MET: variants seen among roughly 807,000 people sequenced by gnomAD.
MET encodes MET proto-oncogene, receptor tyrosine kinase, also known as hepatocyte growth factor receptor.
In MET, 48 loss-of-function variants were observed where a neutral mutation model predicts 133.1. The ratio of observed to expected loss-of-function variants is 0.36; its 90% CI spans 0.29 to 0.46. The LOEUF is 0.46. MET is among the 20% of genes least tolerant of loss of function. MET has a pLI of 1.00. For synonymous variants in MET, 628 were observed against 616.5 expected (o/e 1.02, Z -0.28); for missense variants, 1,442 against 1,695.9 (o/e 0.85, Z 2.63).
At chr7:116,704,062 G>C (rs1039753743) in intron 2 of MET, among the ~76,000 whole-genome samples, 32 of 152,046 alleles carry the variant, frequency 2.1e-4, no homozygotes, top group African/African-American at 7.5e-4. Flanking sequence ...AAAAGCATTT[G>C]GTGCCAGACA....
chr7:116,697,864 A>G (rs1347299309), intron 1 of MET, among the ~76,000 whole-genome samples: 3 of 152,204 alleles, frequency 2.0e-5, no homozygotes, highest in East Asian at 1.9e-4. Context: ...CAGTGCCACA[A>G]TAATCAGCAT....
chr7:116,770,202 A>C (rs1024746681), intron 12 of MET, among the ~76,000 whole-genome samples: 1 of 152,222 alleles, frequency 6.6e-6, no homozygotes, highest in South Asian at 2.1e-4. Flanking sequence ...TGCATCAAAC[A>C]AAGTAAAATA....
intron 14 of MET, among the ~76,000 whole-genome samples, chr7:116,773,960 T>C (rs947321313): frequency 5.3e-5 from 8 of 152,192 alleles, no homozygotes; most frequent in African/African-American, 1.9e-4. Flanking sequence ...AACCCCCACA[T>C]AACCTTCTCC....
At chr7:116,759,231 A>T in intron 9 of MET, 160 bp from the exon 10 acceptor site, 1 of 1,020,776 alleles carries the variant, frequency 9.8e-7, no homozygotes, top group South Asian at 1.9e-5. Context: ...TTCAAGTTAA[A>T]TAAGTTGTTT....
intron 2 of MET, among the ~76,000 whole-genome samples, chr7:116,719,296 G>C (rs1348602093): frequency 1.3e-3 from 194 of 150,992 alleles, no homozygotes; most frequent in African/African-American, 4.6e-3. Flanking sequence ...GTCTTCTTTT[G>C]AGAAGTGTCT....
At chr7:116,695,393 T>C (rs1796926969) in intron 1 of MET, among the ~76,000 whole-genome samples, 1 of 152,158 alleles carries the variant, frequency 6.6e-6, no homozygotes, top group Admixed American at 6.5e-5. Flanking sequence ...ACAGATAAAA[T>C]AGCAAGCATT....
chr7:116,797,479 G>T lies in MET; in HGVS notation c.*1355G>T. 1 of 229,432 alleles carries T rather than the reference G, an allele frequency of 4.4e-6. No homozygotes were observed. Among genetic ancestry groups the T allele is most frequent in the Non-Finnish European group, 8.7e-6 (1 of 115,540 alleles). 14.2% of individuals were successfully genotyped at this position (229,432 alleles called of 1,614,324 possible). A position where few individuals can be genotyped will look rare whatever the true frequency, so the allele number is the denominator to read the frequency against. ...ATGAAAAAGGCAATTGAAAATCCCA[G>T]CTATTTCACCTAGATGGAATAGCCA... On this transcript the variant is annotated 3_prime_UTR_variant, in exon 21 of 21. Transcript: ENST00000397752.
In MET at chr7:116,701,969, A is replaced by G. The variant is rs529840681; in HGVS notation, c.1200+1685A>G. Among the ~76,000 whole-genome samples, 5 of 152,284 alleles carry G rather than the reference A, an allele frequency of 3.3e-5. No homozygotes were observed. The East Asian group carries it at 7.7e-4, about 23-fold the overall frequency. On this transcript the variant is annotated intron_variant, in intron 2 of 20. Transcript: ENST00000397752. ...GAAAAAAATTAAAAAGAGAATTCATAAAGGTATATTGATATCTCATTTTTT... is the reference window on the plus strand; with the variant it reads ...GAAAAAAATTAAAAAGAGAATTCATGAAGGTATATTGATATCTCATTTTTT...
rs778520785 is a variant in MET at position 116,771,463 on chromosome 7, C to T, written c.2731-35C>T. 5 of 1,612,948 alleles carry T rather than the reference C, an allele frequency of 3.1e-6. No individual in the cohort carries two copies. The South Asian group carries it at 5.5e-5, about 18-fold the overall frequency. On this transcript the variant is annotated intron_variant, in intron 12 of 20. Coordinates refer to ENST00000397752, the MANE Select transcript of MET (RefSeq NM_000245.4). ...TGTGTAGTACAAATATCTATCATGGCTAAATGCTGACTTTTCTTTATTTGT... is the reference window on the plus strand; with the variant it reads ...TGTGTAGTACAAATATCTATCATGGTTAAATGCTGACTTTTCTTTATTTGT...
chr7:116,772,680 C>T (rs1475386083), intron 14 of MET, among the ~76,000 whole-genome samples: 1 of 152,164 alleles, frequency 6.6e-6, no homozygotes, highest in East Asian at 1.9e-4. Flanking sequence ...CAAGTACAAG[C>T]ATTTCCTTGG....
intron 5 of MET, among the ~76,000 whole-genome samples, chr7:116,752,098 C>T (rs1300134171): frequency 3.3e-5 from 5 of 151,944 alleles, no homozygotes; most frequent in Non-Finnish European, 5.9e-5. Context: ...AATTCAACCC[C>T]AGTGAGACAA....
intron 3 of MET, among the ~76,000 whole-genome samples, chr7:116,735,412 C>A (rs1338775108): frequency 6.6e-6 from 1 of 152,166 alleles, no homozygotes; most frequent in Non-Finnish European, 1.5e-5. Flanking sequence ...AATCAGTGAA[C>A]CTAAGAATAA....
At chr7:116,793,854 G>C (rs1025521964) in intron 19 of MET, among the ~76,000 whole-genome samples, 2 of 151,986 alleles carry the variant, frequency 1.3e-5, no homozygotes, top group Non-Finnish European at 2.9e-5. Context: ...CACCAAGATT[G>C]CACCACTTCA....
At chr7:116,681,757 C>A (rs1796368012) in intron 1 of MET, among the ~76,000 whole-genome samples, 1 of 152,200 alleles carries the variant, frequency 6.6e-6, no homozygotes, top group Admixed American at 6.5e-5. Context: ...CAAAGTGAGA[C>A]TGTGGTCTCA....
intron 2 of MET, among the ~76,000 whole-genome samples, chr7:116,725,461 T>TATAC (rs1009407580): frequency 1.2e-4 from 14 of 113,132 alleles, no homozygotes; most frequent in Non-Finnish European, 1.8e-4. Context: ...TTTCTTATGA[T>TATAC]ATACATATAT....
At chr7:116,724,635 T>G in intron 2 of MET, 2 of 432,156 alleles carry the variant, frequency 4.6e-6, no homozygotes, top group Admixed American at 2.5e-5. Context: ...CAATGATTTG[T>G]TCTGACAGCA....
chr7:116,735,215 AT>A (rs1208332434), intron 3 of MET, among the ~76,000 whole-genome samples: 1 of 152,100 alleles, frequency 6.6e-6, no homozygotes, highest in Non-Finnish European at 1.5e-5. Flanking sequence ...CTCTTCCCGC[AT>A]GCCCCTTTCG....
At chr7:116,753,206 G>A (rs939004246) in intron 5 of MET, among the ~76,000 whole-genome samples, 2 of 152,150 alleles carry the variant, frequency 1.3e-5, no homozygotes, top group Non-Finnish European at 2.9e-5. Context: ...TTTGAATTTG[G>A]CTAAAAGCCC....
At chr7:116,716,505 G>GAAAGA (rs1316298233) in intron 2 of MET, among the ~76,000 whole-genome samples, 8 of 149,704 alleles carry the variant, frequency 5.3e-5, no homozygotes, top group African/African-American at 2.0e-4. Context: ...AAGAAAGAAA[G>GAAAGA]AAAGAAAGAA....
Sources: allele counts gnomAD v4.1 joint callset (sites outside exome capture counted in the v4.1 genomes callset), GRCh38; gene constraint gnomAD v4.1.1; transcripts MANE v1.5; gene names NCBI Gene and HGNC (gene_info 2026-07-23, HGNC 2026-07-21).